The following CORO2B variants were observed in gnomAD, a reference collection of about 807,000 sequenced individuals.
The protein encoded by CORO2B is coronin-2B.
In CORO2B, 26 loss-of-function variants were observed where a neutral mutation model predicts 58.8. The ratio of observed to expected loss-of-function variants is 0.44; its 90% CI spans 0.32 to 0.61. CORO2B has a LOEUF of 0.61. Ranked by LOEUF, CORO2B falls within the 20% of genes least tolerant of loss-of-function variation. The pLI is 0.04. For missense variants in CORO2B, 460 were observed against 645.1 expected, an observed-to-expected ratio of 0.71 and a Z score of 3.11; for synonymous variants, 242 against 253.8, an observed-to-expected ratio of 0.95 and a Z score of 0.44.
the CORO2B span, among the ~76,000 whole-genome samples, chr15:68,571,021 G>T: frequency 1.3e-5 from 2 of 152,126 alleles, no homozygotes; most frequent in Admixed American, 6.6e-5. Flanking sequence ...TTGGAAGAAA[G>T]TGCGAAGGAA....
chr15:68,562,125 C>T, the CORO2B span, among the ~76,000 whole-genome samples: 7 of 152,194 alleles, frequency 4.6e-5, no homozygotes, highest in Non-Finnish European at 8.8e-5. Context: ...GCCTCCATGG[C>T]GTCTGTCAGG....
intron 1 of CORO2B, among the ~76,000 whole-genome samples, chr15:68,597,184 C>CAG (rs947937702): frequency 8.6e-5 from 13 of 151,672 alleles, no homozygotes; most frequent in African/African-American, 2.9e-4. Context: ...GGAGAAATGA[C>CAG]AGAGAGAGGT....
At chr15:68,707,647 A>G (rs1892813917) in intron 3 of CORO2B, among the ~76,000 whole-genome samples, 1 of 152,226 alleles carries the variant, frequency 6.6e-6, no homozygotes, top group South Asian at 2.1e-4. Context: ...CATGTGTAAT[A>G]GTATCCCTTC....
chr15:68,722,480 G>C (rs1459172433), intron 11 of CORO2B, among the ~76,000 whole-genome samples: 1 of 152,186 alleles, frequency 6.6e-6, no homozygotes, highest in Non-Finnish European at 1.5e-5. Context: ...CGAGGGAAAA[G>C]TCCTACGATT....
At chr15:68,524,432 T>C in the CORO2B span, among the ~76,000 whole-genome samples, 1 of 152,224 alleles carries the variant, frequency 6.6e-6, no homozygotes, top group Non-Finnish European at 1.5e-5. Context: ...TCATAAATTC[T>C]TTCATGCACT....
chr15:68,528,832 A>G, the CORO2B span, among the ~76,000 whole-genome samples: 334 of 152,206 alleles, frequency 2.2e-3, 2 homozygotes, highest in African/African-American at 7.5e-3. Context: ...TTCAAGGAAT[A>G]TGTGGTGCAT....
intron 1 of CORO2B, among the ~76,000 whole-genome samples, chr15:68,594,472 G>A (rs71402277): frequency 1.2e-4 from 19 of 152,202 alleles, no homozygotes; most frequent in Non-Finnish European, 2.6e-4. Context: ...GTGCTATCTT[G>A]TATCTCCCAT....
At chr15:68,655,519 AGT>A (rs989501146) in intron 2 of CORO2B, among the ~76,000 whole-genome samples, 4 of 152,170 alleles carry the variant, frequency 2.6e-5, no homozygotes, top group African/African-American at 9.7e-5. Context: ...AAAAAGGAGA[AGT>A]GTCTTATCCA....
intron 1 of CORO2B, among the ~76,000 whole-genome samples, chr15:68,599,494 C>G (rs771784266): frequency 2.0e-5 from 3 of 152,222 alleles, no homozygotes; most frequent in Non-Finnish European, 2.9e-5. Context: ...ATATAAGATG[C>G]ATTCGTTGGC....
intron 5 of CORO2B, among the ~76,000 whole-genome samples, chr15:68,712,232 G>C (rs942573459): frequency 6.6e-6 from 1 of 152,188 alleles, no homozygotes; most frequent in Non-Finnish European, 1.5e-5. Context: ...GCTGTGTGCT[G>C]GTCATGGGGA....
In CORO2B at chr15:68,610,433, C is replaced by G. The variant is rs1328260823; in HGVS notation, c.15+31156C>G. ...CATCTAAGACCCCTTGCTGCCTGGCCCCAGGCTTGTCTTCCTCCCTGATCT... is the reference window on the plus strand; with the variant it reads ...CATCTAAGACCCCTTGCTGCCTGGCGCCAGGCTTGTCTTCCTCCCTGATCT... On this transcript the variant is annotated intron_variant, in intron 1 of 11. Transcript: ENST00000261861. 4.6e-5 allele frequency among the ~76,000 whole-genome samples: 7 copies of G among 152,148 alleles called. No homozygotes were observed. The East Asian group carries it at 1.2e-3, about 25-fold the overall frequency.
chr15:68,576,452 C>G (rs1225782648), upstream of CORO2B, among the ~76,000 whole-genome samples: 1 of 152,170 alleles, frequency 6.6e-6, no homozygotes, highest in African/African-American at 2.4e-5. Flanking sequence ...TTGTCTCATT[C>G]TCAGAGCCCA....
intron 1 of CORO2B, chr15:68,641,690 C>A: frequency 1.7e-6 from 1 of 586,008 alleles, no homozygotes; most frequent in Non-Finnish European, 2.2e-6. Flanking sequence ...TCCTCCCAAG[C>A]CCTTGGAGGT....
intron 1 of CORO2B, among the ~76,000 whole-genome samples, chr15:68,618,234 T>C (rs1229767374): frequency 2.0e-5 from 3 of 152,246 alleles, no homozygotes; most frequent in Admixed American, 2.0e-4. Context: ...CTTCATTTTT[T>C]TTAAATACTG....
chr15:68,579,856 G>A (rs1899383752), intron 1 of CORO2B, among the ~76,000 whole-genome samples: 1 of 152,246 alleles, frequency 6.6e-6, no homozygotes, highest in Non-Finnish European at 1.5e-5. Context: ...ATGTGGGGAG[G>A]GAATGTGACA....
At chr15:68,558,308 G>A in the CORO2B span, among the ~76,000 whole-genome samples, 1 of 152,140 alleles carries the variant, frequency 6.6e-6, no homozygotes, top group African/African-American at 2.4e-5. Flanking sequence ...CAGGGGTCCT[G>A]CTGGAACCCT....
chr15:68,655,255 G>A (rs961512534), intron 2 of CORO2B, among the ~76,000 whole-genome samples: 4 of 152,192 alleles, frequency 2.6e-5, no homozygotes, highest in East Asian at 3.9e-4. Flanking sequence ...GGGAGAAAAC[G>A]GTGCTGGAAT....
chr15:68,647,856 T>TG (rs1901493138), intron 2 of CORO2B, among the ~76,000 whole-genome samples: 2 of 14,202 alleles, frequency 1.4e-4, no homozygotes, highest in African/African-American at 1.6e-4. Flanking sequence ...TTTCTACAAA[T>TG]TAAAAAAAAA....
rs766059041 is a variant in CORO2B at position 68,645,181 on chromosome 15, C to T, written c.37C>T (p.Arg13Cys). The change falls in exon 2 of 12, where the codon CGT (arginine) becomes TGT (cysteine). Residue 13 changes from arginine (R) to cysteine (C), a missense_variant. Arg to Cys is a radical substitution (Grantham distance 180). Around this residue, in one of 2 missense-constraint regions of CORO2B, gnomAD observed 352 missense variants for 543.0 expected, o/e 0.65. Coordinates refer to ENST00000261861, the MANE Select transcript of CORO2B (RefSeq NM_006091.5). The surrounding 1 kb of genome is among the most constrained non-coding windows in gnomAD (Gnocchi z 4.5). The part of the protein sequence containing the change: ...VTKMSWRPQY[R>C]SSKFRNVYGK... Reference sequence around the variant, plus strand: ...ACAGATGTCCTGGCGTCCGCAATACCGTAGCTCCAAGTTCCGGAATGTCTA... The same window carrying T: ...ACAGATGTCCTGGCGTCCGCAATACTGTAGCTCCAAGTTCCGGAATGTCTA... 29 of 1,614,044 alleles carry T rather than the reference C, an allele frequency of 1.8e-5. No individual in the cohort carries two copies. The South Asian group carries it at 2.2e-4, about 12-fold the overall frequency.
Sources: gnomAD v4.1 joint callset for allele counts (sites outside exome capture counted in the v4.1 genomes callset) on GRCh38, gnomAD v4.1.1 for gene constraint, gnomAD v4.1.1 regional missense constraint, Gnocchi (gnomAD v3.1) non-coding constraint, MANE v1.5 for transcripts, NCBI Gene and HGNC (gene_info 2026-07-23, HGNC 2026-07-21) for gene names.